FARSA: variants seen among roughly 807,000 people sequenced by gnomAD.
FARSA encodes phenylalanyl-tRNA synthetase subunit alpha.
FARSA carries 37 observed loss-of-function variants against 63.2 expected under a neutral mutation model. That is an observed-to-expected ratio of 0.59 (90% CI 0.45 to 0.77). The LOEUF (loss-of-function observed/expected upper bound fraction) is 0.77. Ranked by LOEUF, FARSA falls within the 30% of genes least tolerant of loss-of-function variation. The pLI is 0.00. For synonymous variants in FARSA, 312 were observed against 285.1 expected, an observed-to-expected ratio of 1.09 and a Z score of -0.95; for missense variants, 618 against 696.6, an observed-to-expected ratio of 0.89 and a Z score of 1.27.
intron 4 of FARSA, 79 bp from the exon 5 acceptor site, chr19:12,928,926 C>T (rs1971360659): frequency 2.5e-6 from 3 of 1,194,156 alleles, no homozygotes; most frequent in Non-Finnish European, 2.5e-6. Flanking sequence ...TGATGAGGAT[C>T]CCCATGCTAC....
In FARSA at chr19:12,928,748, C is replaced by G; in HGVS notation, c.596+7G>C. The stretch of plus-strand genomic sequence containing the variant: ...CCACCTGCCCTGACCCTGGGGTTGC[C>G]TGCTACCTGGAGATCATCTCTGGGC... On this transcript the variant is annotated splice_region_variant and intron_variant, in intron 5 of 12. Coordinates refer to ENST00000314606, the MANE Select transcript of FARSA (RefSeq NM_004461.3). 6.2e-7 allele frequency: 1 copy of G among 1,614,152 alleles called. No individual in the cohort carries two copies. The highest frequency in any genetic ancestry group is 1.1e-5 in the South Asian group (1 of 91,080).
Position 12,928,367 on chromosome 19 carries a change from G to C in FARSA, c.816C>G (p.Asp272Glu). The change falls in exon 7 of 13, where the codon GAC becomes GAG. Residue 272 changes from aspartate (D) to glutamate (E), a missense_variant. Asp to Glu is a conservative substitution (Grantham distance 45, BLOSUM62 2). Transcript: ENST00000314606. ...LFQPQQHPAR[D>E]QHDTFFLRDP... Reference sequence around the variant, plus strand: ...CTCGAAGGAAGAAGGTGTCGTGCTGGTCACGGGCTGGGTGCTGCTGGGGCT... The same window carrying C: ...CTCGAAGGAAGAAGGTGTCGTGCTGCTCACGGGCTGGGTGCTGCTGGGGCT... 1.2e-6 allele frequency: 2 copies of C among 1,614,118 alleles called. No individual in the cohort carries two copies. Among genetic ancestry groups the C allele is most frequent in the East Asian group, 4.5e-5 (2 of 44,878 alleles).
chr19:12,924,638 C>T lies in FARSA; in HGVS notation c.1195+1G>A. The T allele has an allele frequency of 6.2e-7, 1 of 1,605,404 alleles. No homozygotes were observed. The highest frequency in any genetic ancestry group is 8.5e-7 in the Non-Finnish European group (1 of 1,174,952). On this transcript the variant is annotated splice_donor_variant, in intron 10 of 12. Transcript: ENST00000314606. LOFTEE classifies it high-confidence loss of function. This position sits in a 1 kb window ranked among gnomAD's most constrained non-coding sequence, Gnocchi z 6.4. ...TGGCCCACCCCTGCCCCCCTGCTCA[C>T]CCAGCTTGGTGAAGAACTCCCGCAG...
At chr19:12,928,953 C>A (rs1404128099) in intron 4 of FARSA, 106 bp from the exon 5 acceptor site, 2 of 954,778 alleles carry the variant, frequency 2.1e-6, no homozygotes, top group Non-Finnish European at 3.4e-6. Flanking sequence ...AGTCACTCTG[C>A]TTTATTTCCA....
intron 7 of FARSA, among the ~76,000 whole-genome samples, chr19:12,927,303 G>T (rs529084199): frequency 2.0e-5 from 3 of 152,186 alleles, no homozygotes; most frequent in Admixed American, 2.0e-4. Flanking sequence ...AATGCCCAAA[G>T]AAGACATGGG....
Position 12,924,983 on chromosome 19 carries a change from A to T in FARSA, c.947T>A (p.Leu316Gln). ...CAGTAGGTTTTTCCGGGCCTCGTCC[A>T]GCTTCCAGTTATACTTGTACCTTCA... Reference protein sequence around the residue: ...GSQGYKYNWKLDEARKNLLRT... With the variant: ...GSQGYKYNWKQDEARKNLLRT... The change falls in exon 9 of 13, where the codon CTG becomes CAG. Residue 316 changes from leucine (L) to glutamine (Q), a missense_variant. Transcript: ENST00000314606. The surrounding 1 kb of genome is among the most constrained non-coding windows in gnomAD (Gnocchi z 6.4). 1.2e-6 allele frequency: 2 copies of T among 1,614,208 alleles called. No individual in the cohort carries two copies. The highest frequency in any genetic ancestry group is 1.7e-6 in the Non-Finnish European group (2 of 1,180,034).
At chr19:12,929,679 T>G (rs1046262536) in intron 4 of FARSA, among the ~76,000 whole-genome samples, 10 of 152,170 alleles carry the variant, frequency 6.6e-5, no homozygotes, top group African/African-American at 2.4e-4. Context: ...AAAGGCCAGG[T>G]GACTTGGCCA....
chr19:12,923,931 G>A (rs1333866959), intron 12 of FARSA, among the ~76,000 whole-genome samples: 3 of 152,236 alleles, frequency 2.0e-5, no homozygotes, highest in Non-Finnish European at 4.4e-5. Flanking sequence ...TGTTGGTCTT[G>A]CTAGTTATCA....
intron 7 of FARSA, among the ~76,000 whole-genome samples, chr19:12,928,025 A>G (rs972332144): frequency 7.4e-6 from 1 of 134,570 alleles, no homozygotes; most frequent in Admixed American, 7.0e-5. Context: ...CCCTGTCTCA[A>G]AAAAAAAAAA....
Position 12,924,624 on chromosome 19 carries a change from T to C in FARSA, c.1195+15A>G. 6.2e-7 allele frequency: 1 copy of C among 1,608,960 alleles called. No individual in the cohort carries two copies. The highest frequency in any genetic ancestry group is 8.5e-7 in the Non-Finnish European group (1 of 1,177,090). Reference sequence around the variant, plus strand: ...CTGCCTCACCACCATGGCCCACCCCTGCCCCCCTGCTCACCCAGCTTGGTG... The same window carrying C: ...CTGCCTCACCACCATGGCCCACCCCCGCCCCCCTGCTCACCCAGCTTGGTG... On this transcript the variant is annotated intron_variant, in intron 10 of 12. Transcript: ENST00000314606. This position sits in a 1 kb window ranked among gnomAD's most constrained non-coding sequence, Gnocchi z 6.4.
chr19:12,928,851 T>C lies in FARSA; in HGVS notation c.504-4A>G, dbSNP rs201932743. On this transcript the variant is annotated splice_region_variant and splice_polypyrimidine_tract_variant and intron_variant, in intron 4 of 12. Transcript: ENST00000314606. ...CACCCAGTAGGTCTTCAGAGTCCTG[T>C]GGCCAGGGGAAGGAAGGGGACGCCA... 4 of 1,614,012 alleles carry C rather than the reference T, an allele frequency of 2.5e-6. No individual in the cohort carries two copies. In the Admixed American group the frequency reaches 5.0e-5, roughly 20 times the overall value.
chr19:12,932,005 T>C (rs892307232), intron 1 of FARSA, among the ~76,000 whole-genome samples: 2 of 151,972 alleles, frequency 1.3e-5, no homozygotes, highest in Non-Finnish European at 2.9e-5. Flanking sequence ...AAAGAATATA[T>C]AGTGCCTACC....
At chr19:12,932,321 C>A (rs1239233656) in intron 1 of FARSA, among the ~76,000 whole-genome samples, 2 of 152,144 alleles carry the variant, frequency 1.3e-5, no homozygotes, top group Non-Finnish European at 2.9e-5. Context: ...GTGACCACTG[C>A]ACCCGGCATA....
In FARSA at chr19:12,925,160, G is replaced by A. The variant is rs1207110457; in HGVS notation, c.856C>T (p.Leu286=). 3.1e-6 allele frequency: 5 copies of A among 1,595,006 alleles called. No individual in the cohort carries two copies. The highest frequency in any genetic ancestry group is 3.4e-6 in the Non-Finnish European group (4 of 1,171,780). The change falls in exon 8 of 13, where the codon CTG becomes TTG. Residue 286 remains leucine, a synonymous_variant. Coordinates refer to ENST00000314606, the MANE Select transcript of FARSA (RefSeq NM_004461.3). ...TFFLRDPAEA[L]QLPMDYVQRV... ...TGGACATAGTCCATTGGGAGCTGCA[G>A]GGCCTCCGCTGGATCTGGGCAGGAC...
Position 12,928,669 on chromosome 19 carries a change from G to C in FARSA, c.597-6C>G. ...GCCGGTCCCGCCAAGAGCCACTGGG[G>C]GAGGATGCAAGGGCCTGGTAAGGGC... On this transcript the variant is annotated splice_region_variant and splice_polypyrimidine_tract_variant and intron_variant, in intron 5 of 12. Transcript: ENST00000314606. 6.2e-7 allele frequency: 1 copy of C among 1,613,092 alleles called. No homozygotes were observed. Among genetic ancestry groups the C allele is most frequent in the Non-Finnish European group, 8.5e-7 (1 of 1,179,506 alleles).
chr19:12,930,556 G>A, intron 2 of FARSA, 29 bp from the exon 3 acceptor site: 1 of 1,609,996 alleles, frequency 6.2e-7, no homozygotes, highest in Non-Finnish European at 8.5e-7. Context: ...AGTGAGTGGG[G>A]CACGAGGGCC....
intron 1 of FARSA, among the ~76,000 whole-genome samples, chr19:12,932,739 CA>C (rs1244444691): frequency 6.6e-6 from 1 of 152,164 alleles, no homozygotes; most frequent in Admixed American, 6.5e-5. Flanking sequence ...CTGGGTGGCC[CA>C]CGGGCCCCTC....
intron 12 of FARSA, among the ~76,000 whole-genome samples, chr19:12,923,494 A>G (rs920249759): frequency 6.6e-6 from 1 of 152,044 alleles, no homozygotes; most frequent in African/African-American, 2.4e-5. Flanking sequence ...TAGAGACGGG[A>G]GACAGAGTCA....
intron 4 of FARSA, among the ~76,000 whole-genome samples, chr19:12,929,168 C>T (rs367898468): frequency 1.6e-4 from 25 of 152,146 alleles, no homozygotes; most frequent in African/African-American, 6.0e-4. Context: ...AAAGTCTCCC[C>T]ACAAGCCCCG....
Sources: allele counts gnomAD v4.1 joint callset (sites outside exome capture counted in the v4.1 genomes callset), GRCh38; gene constraint gnomAD v4.1.1; non-coding constraint Gnocchi (gnomAD v3.1); transcripts MANE v1.5; gene names NCBI Gene and HGNC (gene_info 2026-07-23, HGNC 2026-07-21).